Variants in TEDC1 observed in about 807,000 individuals in gnomAD.
TEDC1 encodes the protein tubulin epsilon and delta complex protein 1.
A neutral mutation model predicts 59.9 loss-of-function variants in TEDC1; 54 were observed. The observed-to-expected ratio is 0.90, with a 90% CI of 0.72 to 1.13. TEDC1 has a LOEUF of 1.13. TEDC1 is among the 50% of genes most tolerant of loss of function. The pLI is 0.00. For missense variants in TEDC1, 734 were observed against 683.4 expected (o/e 1.07, Z -0.83); for synonymous variants, 353 against 298.1 (o/e 1.18, Z -1.90).
chr14:105,497,673 T>C (rs782180483), intron 7 of TEDC1, 125 bp from the exon 8 acceptor site: 8 of 1,285,062 alleles, frequency 6.2e-6, no homozygotes, highest in African/African-American at 1.5e-5. Context: ...TCCCTGGACG[T>C]CACAGTTGCT....
At chr14:105,493,645 G>T (rs1291489573) in intron 4 of TEDC1, among the ~76,000 whole-genome samples, 190 bp from the exon 5 acceptor site, 1 of 152,156 alleles carries the variant, frequency 6.6e-6, no homozygotes, top group African/African-American at 2.4e-5. Context: ...GGAGACCCCA[G>T]CGGTGCTGAT....
At chr14:105,490,736 G>A (rs1373951395), upstream of TEDC1, 5 of 424,802 alleles carry the variant, frequency 1.2e-5, no homozygotes, top group African/African-American at 1.1e-4. Context: ...GCGGCGCGGC[G>A]GGCTCTGGGC....
chr14:105,497,166 T>G, intron 6 of TEDC1, 191 bp from the exon 7 acceptor site: 1 of 662,156 alleles, frequency 1.5e-6, no homozygotes, highest in South Asian at 1.7e-5. Flanking sequence ...GGCTGTGGCG[T>G]CCGCACCACA....
At chr14:105,492,354 C>A in intron 3 of TEDC1, 45 bp downstream of exon 3, 2 of 1,590,908 alleles carry the variant, frequency 1.3e-6, no homozygotes, top group Non-Finnish European at 1.7e-6. Context: ...GGTCTCAACT[C>A]CTGGGGCCAG....
At chr14:105,494,428 G>A (rs185626926) in intron 5 of TEDC1, 98 of 172,092 alleles carry the variant, frequency 5.7e-4, no homozygotes, top group Middle Eastern at 2.7e-3. Context: ...GTGCTGGACC[G>A]AGCCTCCCAA....
rs782700947 is a variant in TEDC1 at position 105,498,939 on chromosome 14, G to C, written c.1481G>C (p.Gly494Ala). ...GGTCTCATCTGGATCCCGCCACCTG[G>C]ACGCTGAGGGCCTGTCGACGGGCCC... ...RPGLIWIPPP[G>A]R Residue 494 changes from glycine (G) to alanine (A), a missense_variant, in exon 9 of 9, where the codon GGA becomes GCA. Coordinates refer to ENST00000392523, the MANE Select transcript of TEDC1 (RefSeq NM_001367178.1). 1.2e-6 allele frequency: 2 copies of C among 1,602,634 alleles called. No individual in the cohort carries two copies. The highest frequency in any genetic ancestry group is 1.7e-6 in the Non-Finnish European group (2 of 1,174,502).
In TEDC1 at chr14:105,497,474, A is replaced by T. The variant is rs2084373299; in HGVS notation, c.978+31A>T. On this transcript the variant is annotated intron_variant, in intron 7 of 8. Transcript: ENST00000392523. ...GAAGCCCGCGCATCCCTCTCCCGGC[A>T]TCCCTTCCCACAGCAGCCCCCAGGT... 6 of 1,537,622 alleles carry T rather than the reference A, an allele frequency of 3.9e-6. No individual in the cohort carries two copies. The South Asian group carries it at 7.2e-5, about 18-fold the overall frequency.
chr14:105,493,003 G>A (rs1489913899), intron 4 of TEDC1, among the ~76,000 whole-genome samples: 1 of 152,158 alleles, frequency 6.6e-6, no homozygotes, highest in Non-Finnish European at 1.5e-5. Context: ...GTTCCCAAAA[G>A]TTACCAGTGG....
At chr14:105,493,081 G>C (rs61067308) in intron 4 of TEDC1, among the ~76,000 whole-genome samples, 1 of 152,110 alleles carries the variant, frequency 6.6e-6, no homozygotes, top group Admixed American at 6.5e-5. Context: ...GGGCACTGGA[G>C]GGGGAGGAAG....
At chr14:105,493,253 C>T (rs1297849843) in intron 4 of TEDC1, among the ~76,000 whole-genome samples, 4 of 152,198 alleles carry the variant, frequency 2.6e-5, no homozygotes, top group African/African-American at 4.8e-5. Context: ...CAGCGGCGGG[C>T]TCCCACCAGC....
At chr14:105,497,491 C>A (rs369946411) in intron 7 of TEDC1, 48 bp downstream of exon 7, 13 of 1,522,772 alleles carry the variant, frequency 8.5e-6, no homozygotes, top group Non-Finnish European at 1.1e-5. Flanking sequence ...CCCACAGCAG[C>A]CCCCAGGTGG....
chr14:105,496,294 C>G (rs2084344801), intron 6 of TEDC1: 3 of 587,940 alleles, frequency 5.1e-6, no homozygotes, highest in Non-Finnish European at 8.9e-6. Context: ...TTGTGGCGTG[C>G]TGGGGTGGGC....
Position 105,497,820 on chromosome 14 carries a change from C to A in TEDC1, c.1001C>A (p.Ala334Asp). The change falls in exon 8 of 9, where the codon GCC (alanine) becomes GAC (aspartate). Residue 334 changes from alanine (A) to aspartate (D), a missense_variant. Transcript: ENST00000392523. ...TAGGACACGGTCCTGGGCACCTGTG[C>A]CCCGGAGGTGCCTGCTGCAGCCTCA... The part of the protein sequence containing the change: ...RWMDTVLGTC[A>D]PEVPAAASQP... 1 of 1,571,388 alleles carries A rather than the reference C, an allele frequency of 6.4e-7. No individual in the cohort carries two copies. The highest frequency in any genetic ancestry group is 1.2e-5 in the South Asian group (1 of 85,148).
upstream of TEDC1, chr14:105,490,536 T>A (rs1305850004): frequency 2.6e-5 from 4 of 152,236 alleles, no homozygotes; most frequent in Admixed American, 2.6e-4. Context: ...GGGCAGCAGC[T>A]GCTTCCATGC....
chr14:105,493,247 G>A (rs763259484), intron 4 of TEDC1, among the ~76,000 whole-genome samples: 66 of 152,140 alleles, frequency 4.3e-4, no homozygotes, highest in Admixed American at 3.3e-3. Flanking sequence ...CTGTGGCAGC[G>A]GCGGGCTCCC....
intron 8 of TEDC1, 46 bp downstream of exon 8, chr14:105,498,023 G>C (rs1345112037): frequency 6.9e-7 from 1 of 1,459,722 alleles, no homozygotes; most frequent in African/African-American, 1.4e-5. Context: ...CCCACCTTCG[G>C]GGGATGGCTG....
chr14:105,497,716 G>T, intron 7 of TEDC1, 82 bp from the exon 8 acceptor site: 2 of 1,434,530 alleles, frequency 1.4e-6, no homozygotes, highest in Non-Finnish European at 1.8e-6. Context: ...TGTGGGACCT[G>T]GGGGACTACC....
Position 105,499,112 on chromosome 14 carries a change from C to T in TEDC1, c.*166C>T, listed in dbSNP as rs1303270344. On this transcript the variant is annotated 3_prime_UTR_variant, in exon 9 of 9. Transcript: ENST00000392523. ...GGCTGGGCTGACTCTGGCCGGATCCCAGGCCTGTGGCTAGCAGCACTGGGG... is the reference window on the plus strand; with the variant it reads ...GGCTGGGCTGACTCTGGCCGGATCCTAGGCCTGTGGCTAGCAGCACTGGGG... 2.7e-6 allele frequency: 2 copies of T among 743,976 alleles called. No individual in the cohort carries two copies. The highest frequency in any genetic ancestry group is 4.3e-6 in the Non-Finnish European group (2 of 468,026). The allele number at this position is 743,976 out of a possible 1,614,324, so 46.1% of individuals were successfully genotyped here.
At position 105,493,859 on chromosome 14, in the gene TEDC1, C is replaced by T. The variant is rs2084276613; in HGVS notation, c.610C>T (p.His204Tyr). 3 of 1,607,082 alleles carry T rather than the reference C, an allele frequency of 1.9e-6. No individual in the cohort carries two copies. The highest frequency in any genetic ancestry group is 2.5e-6 in the Non-Finnish European group (3 of 1,179,682). The part of the protein sequence containing the change: ...SKIHLYTRGC[H>Y]SDQSLSHLSV... ...GATCCACCTGTACACACGCGGCTGCCACAGCGACCAGAGCCTTAGCCATCT... is the reference window on the plus strand; with the variant it reads ...GATCCACCTGTACACACGCGGCTGCTACAGCGACCAGAGCCTTAGCCATCT... Residue 204 changes from histidine (H) to tyrosine (Y), a missense_variant, in exon 5 of 9, where the codon CAC becomes TAC. Physicochemically the swap from His to Tyr is moderately conservative, Grantham distance 83. Coordinates refer to ENST00000392523, the MANE Select transcript of TEDC1 (RefSeq NM_001367178.1).
Sources: gnomAD v4.1 joint callset for allele counts (sites outside exome capture counted in the v4.1 genomes callset) on GRCh38, gnomAD v4.1.1 for gene constraint, MANE v1.5 for transcripts, NCBI Gene and HGNC (gene_info 2026-07-23, HGNC 2026-07-21) for gene names.